The following CMTM4 variants were observed in gnomAD, a reference collection of about 807,000 sequenced individuals.
The protein encoded by CMTM4 is CKLF-like MARVEL transmembrane domain-containing protein 4.
Under a neutral mutation model 19.0 loss-of-function variants are expected in CMTM4, and 8 were observed. The ratio of observed to expected loss-of-function variants is 0.42; its 90% CI spans 0.25 to 0.76. CMTM4 has a LOEUF of 0.76. Ranked by LOEUF, CMTM4 falls within the 30% of genes least tolerant of loss-of-function variation. The pLI, the probability that CMTM4 is intolerant of heterozygous loss-of-function variation, is 0.27. For synonymous variants in CMTM4, 106 were observed against 121.1 expected, an observed-to-expected ratio of 0.88 and a Z score of 0.82; for missense variants, 228 against 290.2, an observed-to-expected ratio of 0.79 and a Z score of 1.56.
At chr16:66,642,681 A>G (rs2016116804) in intron 1 of CMTM4, among the ~76,000 whole-genome samples, 1 of 152,166 alleles carries the variant, frequency 6.6e-6, no homozygotes, top group Non-Finnish European at 1.5e-5. Context: ...GCGCCACTGC[A>G]CTCCAGCCTG....
intron 2 of CMTM4, among the ~76,000 whole-genome samples, chr16:66,634,922 CTT>C (rs2015961770): frequency 6.6e-6 from 1 of 152,214 alleles, no homozygotes; most frequent in Non-Finnish European, 1.5e-5. Context: ...TGCCTATAGT[CTT>C]AACCTTTCCA....
intron 1 of CMTM4, among the ~76,000 whole-genome samples, chr16:66,642,981 G>A (rs532072960): frequency 5.8e-4 from 88 of 152,278 alleles, no homozygotes; most frequent in Admixed American, 1.1e-3. Context: ...GAATGCAGTG[G>A]TGAGATCTTG....
intron 1 of CMTM4, among the ~76,000 whole-genome samples, chr16:66,671,671 C>T (rs2016710194): frequency 6.6e-6 from 1 of 152,146 alleles, no homozygotes; most frequent in African/African-American, 2.4e-5. Context: ...GGGGCACCAA[C>T]CCACAGGCTG....
chr16:66,655,807 T>C (rs528836134), intron 1 of CMTM4, among the ~76,000 whole-genome samples: 159 of 152,180 alleles, frequency 1.0e-3, no homozygotes, highest in African/African-American at 3.7e-3. Flanking sequence ...CTGAGACAAC[T>C]TGAGCATCAA....
downstream of CMTM4, chr16:66,613,257 C>T: frequency 3.1e-6 from 2 of 646,354 alleles, no homozygotes; most frequent in South Asian, 3.4e-5. Context: ...CCCTTGGAAA[C>T]CATGTCTTCT....
intron 2 of CMTM4, among the ~76,000 whole-genome samples, chr16:66,630,656 C>A (rs995774805): frequency 6.6e-6 from 1 of 152,096 alleles, no homozygotes; most frequent in Non-Finnish European, 1.5e-5. Context: ...GGTGCCCAGG[C>A]TGGAGTGCAG....
intron 1 of CMTM4, among the ~76,000 whole-genome samples, chr16:66,660,076 C>T (rs530114095): frequency 6.6e-6 from 1 of 152,208 alleles, no homozygotes; most frequent in African/African-American, 2.4e-5. Context: ...ACATCACTAG[C>T]TATTAGGAAA....
chr16:66,600,146 GTTT>G, the CMTM4 span, among the ~76,000 whole-genome samples: 1 of 125,778 alleles, frequency 8.0e-6, no homozygotes, highest in Admixed American at 8.2e-5. Context: ...GTTTTTTTTT[GTTT>G]TTTTTTTTTT....
the CMTM4 span, chr16:66,609,406 C>A: frequency 1.4e-5 from 23 of 1,593,176 alleles, no homozygotes; most frequent in Non-Finnish European, 2.0e-5. The surrounding 1 kb of genome is among the most constrained non-coding windows in gnomAD (Gnocchi z 4.4). Flanking sequence ...GCTCCAGGGG[C>A]TCAGGGCAGC....
chr16:66,631,323 C>T (rs1379994184), intron 2 of CMTM4, among the ~76,000 whole-genome samples: 3 of 150,972 alleles, frequency 2.0e-5, no homozygotes, highest in Non-Finnish European at 3.0e-5. Context: ...GGTCAGCCCC[C>T]GCCCGGCCAG....
intron 2 of CMTM4, among the ~76,000 whole-genome samples, chr16:66,635,850 G>A (rs1051365007): frequency 1.3e-5 from 2 of 152,180 alleles, no homozygotes; most frequent in South Asian, 2.1e-4. Context: ...CTTCCCATCT[G>A]ATTAACAAGG....
intron 1 of CMTM4, among the ~76,000 whole-genome samples, chr16:66,643,841 C>T (rs1221648108): frequency 2.0e-5 from 3 of 152,212 alleles, no homozygotes; most frequent in Non-Finnish European, 4.4e-5. Context: ...GCAACCTCTG[C>T]CTTCCGGGTT....
At chr16:66,606,342 C>T in the CMTM4 span, among the ~76,000 whole-genome samples, 3 of 152,114 alleles carry the variant, frequency 2.0e-5, no homozygotes, top group African/African-American at 7.2e-5. Context: ...GGGGTGCAGG[C>T]ATAGGAGACA....
In CMTM4 at chr16:66,647,503, C is replaced by T. The variant is rs930189104; in HGVS notation, c.187-10922G>A. On this transcript the variant is annotated intron_variant, in intron 1 of 3. Transcript: ENST00000394106. ...CAATCTATGACATCACCTAGAAATA[C>T]GTGAGCATTGCTTCTGATACACCAT... Among the ~76,000 whole-genome samples, 7 of 152,152 alleles carry T rather than the reference C, an allele frequency of 4.6e-5. No individual in the cohort carries two copies. In the East Asian group the frequency reaches 1.4e-3, roughly 29 times the overall value.
chr16:66,598,239 G>A, the CMTM4 span, among the ~76,000 whole-genome samples: 4 of 152,260 alleles, frequency 2.6e-5, no homozygotes, highest in South Asian at 8.3e-4. Flanking sequence ...ATTTCCTGAT[G>A]TCATCCTATG....
At chr16:66,639,775 C>T (rs2016065853) in intron 1 of CMTM4, among the ~76,000 whole-genome samples, 1 of 152,024 alleles carries the variant, frequency 6.6e-6, no homozygotes, top group African/African-American at 2.4e-5. Flanking sequence ...CCCAGCACAT[C>T]AAAAGGCTGA....
At position 66,617,720 on chromosome 16, in the gene CMTM4, C is replaced by G; in HGVS notation, c.*4338G>C. The stretch of plus-strand genomic sequence containing the variant: ...CAAAGCGCCAGGGAAGTTTACAAAG[C>G]TAAAAGCTGAGGGTGTCAGGCCTGC... On this transcript the variant is annotated 3_prime_UTR_variant, in exon 4 of 4. Coordinates refer to ENST00000394106, the MANE Select transcript of CMTM4 (RefSeq NM_181521.3). 1 of 1,040,070 alleles carries G rather than the reference C, an allele frequency of 9.6e-7. No homozygotes were observed. Among genetic ancestry groups the G allele is most frequent in the Non-Finnish European group, 1.2e-6 (1 of 864,132 alleles). 64.4% of individuals were successfully genotyped at this position (1,040,070 alleles called of 1,614,324 possible).
At chr16:66,612,476 GA>G, downstream of CMTM4, 1 of 852,328 alleles carries the variant, frequency 1.2e-6, no homozygotes, top group Non-Finnish European at 1.9e-6. This position sits in a 1 kb window ranked among gnomAD's most constrained non-coding sequence, Gnocchi z 6.0. Context: ...CGATCACTGG[GA>G]ACGGTAGAGT....
At chr16:66,687,994 G>A (rs181583357) in intron 1 of CMTM4, among the ~76,000 whole-genome samples, 6 of 152,182 alleles carry the variant, frequency 3.9e-5, no homozygotes, top group Admixed American at 3.3e-4. Flanking sequence ...GCCAAAATGG[G>A]TAATTTATAA....
Sources: allele counts gnomAD v4.1 joint callset (sites outside exome capture counted in the v4.1 genomes callset), GRCh38; gene constraint gnomAD v4.1.1; non-coding constraint Gnocchi (gnomAD v3.1); transcripts MANE v1.5; gene names NCBI Gene and HGNC (gene_info 2026-07-23, HGNC 2026-07-21).